Variants in SESTD1 observed in about 807,000 individuals in gnomAD.
SESTD1 encodes SEC14 domain and spectrin repeat-containing protein 1.
SESTD1 carries 43 observed loss-of-function variants against 101.7 expected under a neutral mutation model. The observed-to-expected ratio is 0.42, with a 90% CI of 0.33 to 0.55. SESTD1 has a LOEUF of 0.55. Ranked by LOEUF, SESTD1 falls within the 20% of genes least tolerant of loss-of-function variation. The pLI is 0.07. For missense variants in SESTD1, 647 were observed against 815.1 expected, an observed-to-expected ratio of 0.79 and a Z score of 2.51; for synonymous variants, 283 against 286.8, an observed-to-expected ratio of 0.99 and a Z score of 0.13.
rs994929642 is a variant in SESTD1, at chr2:179,202,652, G to T, written c.-25-10786C>A. Among the ~76,000 whole-genome samples the T allele has an allele frequency of 5.2e-5, 7 of 134,762 alleles. 2 individuals carry two copies. Among genetic ancestry groups the T allele is most frequent in the Admixed American group, 5.0e-4 (7 of 13,910 alleles). 88.4% of individuals were successfully genotyped at this position (134,762 alleles called of 152,430 possible). A position where few individuals can be genotyped will look rare whatever the true frequency, so the allele number is the denominator to read the frequency against. On this transcript the variant is annotated intron_variant, in intron 1 of 17. Transcript: ENST00000428443. ...AAGGAAAAACAGTCACAAAGCAAGA[G>T]GTTTGTCTCCCTTTTTGGCCAACGG...
At chr2:179,124,641 CTAAG>C in intron 10 of SESTD1, 83 bp from the exon 11 acceptor site, 5 of 1,156,694 alleles carry the variant, frequency 4.3e-6, no homozygotes, top group South Asian at 3.3e-5. Context: ...TCCAGATAAA[CTAAG>C]TAATACATGA....
intron 1 of SESTD1, among the ~76,000 whole-genome samples, chr2:179,238,758 T>C (rs2047105840): frequency 6.6e-6 from 1 of 152,164 alleles, no homozygotes; most frequent in African/African-American, 2.4e-5. Context: ...TAATTTCTTC[T>C]TCCTCAGAGG....
At chr2:179,191,906 A>G in intron 1 of SESTD1, 40 bp from the exon 2 acceptor site, 1 of 1,326,470 alleles carries the variant, frequency 7.5e-7, no homozygotes, top group East Asian at 2.3e-5. Context: ...ACAAGACAAC[A>G]ATTATTCCAC....
In SESTD1 at chr2:179,213,813, G is replaced by T. The variant is rs962158779; in HGVS notation, c.-25-21947C>A. Among the ~76,000 whole-genome samples, 32 of 135,458 alleles carry T rather than the reference G, an allele frequency of 2.4e-4. 8 individuals carry two copies. The highest frequency in any genetic ancestry group is 6.4e-5 in the Non-Finnish European group (4 of 62,934). The allele number at this position is 135,458 out of a possible 152,430, so 88.9% of individuals were successfully genotyped here. ...GAAACCCTACAAGCCAGAAAAGAGT[G>T]GGGGACAATATTCACCATTCTTAAA... On this transcript the variant is annotated intron_variant, in intron 1 of 17. Coordinates refer to ENST00000428443, the MANE Select transcript of SESTD1 (RefSeq NM_178123.5).
At chr2:179,149,682 G>T (rs536724281) in intron 6 of SESTD1, among the ~76,000 whole-genome samples, 1 of 152,036 alleles carries the variant, frequency 6.6e-6, no homozygotes, top group Admixed American at 6.6e-5. Flanking sequence ...CATTTGCATC[G>T]ATAACAGTTC....
intron 5 of SESTD1, among the ~76,000 whole-genome samples, chr2:179,171,509 A>G (rs2045929870): frequency 1.3e-5 from 2 of 152,202 alleles, no homozygotes; most frequent in Non-Finnish European, 2.9e-5. Flanking sequence ...CCCACACTTT[A>G]TTTAGACAAT....
At chr2:179,184,702 T>A (rs563553747) in intron 2 of SESTD1, among the ~76,000 whole-genome samples, 1 of 152,154 alleles carries the variant, frequency 6.6e-6, no homozygotes, top group African/African-American at 2.4e-5. Context: ...AGGGCGTTAA[T>A]AGGAACAGGC....
At chr2:179,133,043 C>A (rs1229082079) in intron 9 of SESTD1, among the ~76,000 whole-genome samples, 1 of 152,128 alleles carries the variant, frequency 6.6e-6, no homozygotes, top group Non-Finnish European at 1.5e-5. Flanking sequence ...CTCTTGGACT[C>A]TTCTTAGGAT....
At chr2:179,117,433 ACT>A in intron 14 of SESTD1, 97 bp downstream of exon 14, 1 of 1,050,220 alleles carries the variant, frequency 9.5e-7, no homozygotes. Context: ...TCAAGAATTT[ACT>A]TTTTTAGGAC....
intron 1 of SESTD1, among the ~76,000 whole-genome samples, chr2:179,232,627 G>T (rs1214379102): frequency 6.6e-6 from 1 of 151,906 alleles, no homozygotes; most frequent in Non-Finnish European, 1.5e-5. Context: ...CCACAAATGG[G>T]AAAGTGATTG....
chr2:179,193,386 T>C (rs1016003424), intron 1 of SESTD1, among the ~76,000 whole-genome samples: 1 of 152,184 alleles, frequency 6.6e-6, no homozygotes, highest in African/African-American at 2.4e-5. Flanking sequence ...AACAGACTAG[T>C]AGGAAGTAGA....
intron 2 of SESTD1, among the ~76,000 whole-genome samples, chr2:179,187,863 A>G (rs538934394): frequency 2.0e-5 from 3 of 152,318 alleles, no homozygotes; most frequent in Admixed American, 1.3e-4. Context: ...AAAGGGTTCA[A>G]TTCAACATGA....
intron 16 of SESTD1, among the ~76,000 whole-genome samples, chr2:179,113,884 T>A: frequency 6.7e-6 from 1 of 148,186 alleles, no homozygotes; most frequent in Admixed American, 6.6e-5. Context: ...AAAAAAAAGT[T>A]ATCAGTGGTG....
intron 2 of SESTD1, among the ~76,000 whole-genome samples, chr2:179,188,111 T>C (rs1034770921): frequency 6.6e-6 from 1 of 152,052 alleles, no homozygotes; most frequent in Admixed American, 6.6e-5. Context: ...AGTCTACCCA[T>C]CAACCACAGA....
intron 2 of SESTD1, among the ~76,000 whole-genome samples, chr2:179,185,209 C>G (rs7598995): frequency 0.1 from 15,227 of 151,400 alleles, 2,523 homozygotes; most frequent in African/African-American, 0.35. Context: ...ATGCATACTG[C>G]TGAACTTGTA....
intron 6 of SESTD1, 75 bp downstream of exon 6, chr2:179,151,203 G>C (rs1281019689): frequency 5.1e-6 from 5 of 977,950 alleles, no homozygotes; most frequent in Non-Finnish European, 5.7e-6. Context: ...TATTTTAATA[G>C]ACTAAAATGA....
In SESTD1 at chr2:179,108,561, A is replaced by C. The variant is rs1388849205; in HGVS notation, c.*1338T>G. The stretch of plus-strand genomic sequence containing the variant: ...TCTCCAAGAAGTCTGTCAGTCAGTG[A>C]AGAAGGCTGGAAAAACTAGCAGGTT... On this transcript the variant is annotated 3_prime_UTR_variant, in exon 18 of 18. Transcript: ENST00000428443. The C allele has an allele frequency of 6.6e-6, 1 of 151,990 alleles. No individual in the cohort carries two copies. Among genetic ancestry groups the C allele is most frequent in the Non-Finnish European group, 1.5e-5 (1 of 68,012 alleles). The allele number at this position is 151,990 out of a possible 1,614,324, so 9.4% of individuals were successfully genotyped here. A position where few individuals can be genotyped will look rare whatever the true frequency, so the allele number is the denominator to read the frequency against.
chr2:179,112,265 G>A (rs2044527812), intron 17 of SESTD1, among the ~76,000 whole-genome samples: 3 of 152,160 alleles, frequency 2.0e-5, no homozygotes, highest in Admixed American at 6.5e-5. Flanking sequence ...CTTAATCTCT[G>A]TGGGCCTCAG....
At chr2:179,243,959 T>C (rs567971695) in intron 1 of SESTD1, among the ~76,000 whole-genome samples, 23 of 147,986 alleles carry the variant, frequency 1.6e-4, no homozygotes, top group African/African-American at 3.5e-4. Context: ...TATATATATA[T>C]ATACACACAC....
Sources: gnomAD v4.1 joint callset for allele counts (sites outside exome capture counted in the v4.1 genomes callset) on GRCh38, gnomAD v4.1.1 for gene constraint, MANE v1.5 for transcripts, NCBI Gene and HGNC (gene_info 2026-07-23, HGNC 2026-07-21) for gene names.